Variants in WDFY1 observed in about 807,000 individuals in gnomAD.
WDFY1 encodes WD repeat and FYVE domain containing 1.
A neutral mutation model predicts 56.4 loss-of-function variants in WDFY1; 32 were observed. That is an observed-to-expected ratio of 0.57 (90% CI 0.43 to 0.76). The LOEUF is 0.76. Ranked by LOEUF, WDFY1 falls within the 30% of genes least tolerant of loss-of-function variation. The pLI, the probability that WDFY1 is intolerant of heterozygous loss-of-function variation, is 0.00. For synonymous variants in WDFY1, 192 were observed against 197.3 expected (o/e 0.97, Z 0.23); for missense variants, 480 against 545.7 (o/e 0.88, Z 1.20).
At position 223,881,934 on chromosome 2, in the gene WDFY1, A is replaced by T. The variant is rs1171421093; in HGVS notation, c.1064+8T>A. On this transcript the variant is annotated splice_region_variant and intron_variant, in intron 10 of 11. Coordinates refer to ENST00000233055, the MANE Select transcript of WDFY1 (RefSeq NM_020830.5). ...GAGGCAATGAGACAAAAATATGCAA[A>T]CACTCACTCTTCATCTTTGATGGAG... 3 of 1,613,200 alleles carry T rather than the reference A, an allele frequency of 1.9e-6. No homozygotes were observed. The highest frequency in any genetic ancestry group is 1.3e-5 in the African/African-American group (1 of 75,028).
Position 223,896,155 on chromosome 2 carries a change from CAAAAAAAAA to C in WDFY1, c.599-534_599-526del, listed in dbSNP as rs71058956. Among the ~76,000 whole-genome samples, 97 of 39,840 alleles carry C rather than the reference CAAAAAAAAA, an allele frequency of 2.4e-3. 2 individuals are homozygous for C. The Middle Eastern group carries it at 0.06, about 25-fold the overall frequency. The allele number at this position is 39,840 out of a possible 152,430, so 26.1% of individuals were successfully genotyped here. ...TGGGTGACAGAGTGAGACTCTGTCTCAAAAAAAAAAAAAAAAAAAAAAAAAAAACTGCTT... is the reference window on the plus strand; with the variant it reads ...TGGGTGACAGAGTGAGACTCTGTCTCAAAAAAAAAAAAAAAAAAACTGCTT... On this transcript the variant is annotated intron_variant, in intron 6 of 11. Transcript: ENST00000233055.
chr2:223,928,112 A>G (rs894522779), intron 1 of WDFY1, among the ~76,000 whole-genome samples: 1 of 152,236 alleles, frequency 6.6e-6, no homozygotes, highest in African/African-American at 2.4e-5. Flanking sequence ...CACTGAACAC[A>G]GACCACCACA....
At chr2:223,937,642 C>T (rs1689215817) in intron 1 of WDFY1, among the ~76,000 whole-genome samples, 1 of 152,192 alleles carries the variant, frequency 6.6e-6, no homozygotes, top group Non-Finnish European at 1.5e-5. Flanking sequence ...CTGAGGCATT[C>T]TGGCTCCCAA....
At chr2:223,898,302 GACA>G (rs1323170454) in intron 6 of WDFY1, among the ~76,000 whole-genome samples, 1 of 152,164 alleles carries the variant, frequency 6.6e-6, no homozygotes, top group African/African-American at 2.4e-5. Flanking sequence ...CTTAGAAACT[GACA>G]AATTTTTTTA....
At chr2:223,897,175 A>G (rs187326764) in intron 6 of WDFY1, among the ~76,000 whole-genome samples, 1 of 152,012 alleles carries the variant, frequency 6.6e-6, no homozygotes, top group Non-Finnish European at 1.5e-5. Context: ...TATGGTCATA[A>G]ATAAGTCCAT....
intron 4 of WDFY1, 55 bp from the exon 5 acceptor site, chr2:223,901,388 G>A: frequency 6.3e-7 from 1 of 1,598,450 alleles, no homozygotes; most frequent in Non-Finnish European, 8.5e-7. Context: ...ACTCTATGGG[G>A]AAGAACTGAG....
intron 4 of WDFY1, 48 bp from the exon 5 acceptor site, chr2:223,901,381 C>A (rs1202536925): frequency 1.9e-6 from 3 of 1,606,308 alleles, no homozygotes; most frequent in South Asian, 2.2e-5. Flanking sequence ...AAACAGCACT[C>A]TATGGGGAAG....
At chr2:223,903,651 T>G (rs565762824) in intron 4 of WDFY1, among the ~76,000 whole-genome samples, 1,737 of 149,988 alleles carry the variant, frequency 0.012, 31 homozygotes, top group African/African-American at 0.041. Context: ...GTTTTTTGTT[T>G]TTTTTTTTTT....
rs1448737219 is a variant in WDFY1, at chr2:223,875,821, A to T, written c.*2850T>A. On this transcript the variant is annotated 3_prime_UTR_variant, in exon 12 of 12. Coordinates refer to ENST00000233055, the MANE Select transcript of WDFY1 (RefSeq NM_020830.5). Reference sequence around the variant, plus strand: ...TAGGAGATACCATATCCAATAACGGAAGTAGAAGTACTTTAACGAAAACTG... The same window carrying T: ...TAGGAGATACCATATCCAATAACGGTAGTAGAAGTACTTTAACGAAAACTG... The T allele has an allele frequency of 6.6e-6, 1 of 152,136 alleles. No homozygotes were observed. Among genetic ancestry groups the T allele is most frequent in the East Asian group, 1.9e-4 (1 of 5,198 alleles). The allele number at this position is 152,136 out of a possible 1,614,324, so 9.4% of individuals were successfully genotyped here.
intron 2 of WDFY1, among the ~76,000 whole-genome samples, chr2:223,916,793 A>T (rs951383305): frequency 1.3e-5 from 2 of 149,560 alleles, no homozygotes; most frequent in Admixed American, 6.7e-5. Context: ...GTGTCATCTT[A>T]TGTTGGTATA....
intron 2 of WDFY1, among the ~76,000 whole-genome samples, chr2:223,914,867 GTTT>G (rs1013945211): frequency 1.3e-5 from 2 of 149,328 alleles, no homozygotes; most frequent in Non-Finnish European, 3.0e-5. Context: ...GATTCTGAAA[GTTT>G]TTTTTTTATG....
In WDFY1 at chr2:223,941,514, G is replaced by A. The variant is rs1390099479; in HGVS notation, c.137+3634C>T. On this transcript the variant is annotated intron_variant, in intron 1 of 11. Transcript: ENST00000233055. ...AGACCAGCTCAACGACCTTCTCTAG[G>A]AGGCTGTCCCCAAACCCCGGCCCCA... Among the ~76,000 whole-genome samples, 6 of 151,994 alleles carry A rather than the reference G, an allele frequency of 3.9e-5. No homozygotes were observed. The East Asian group carries it at 1.2e-3, about 29-fold the overall frequency.
intron 10 of WDFY1, 42 bp downstream of exon 10, chr2:223,881,900 A>G: frequency 6.2e-7 from 1 of 1,608,150 alleles, no homozygotes; most frequent in Non-Finnish European, 8.5e-7. Flanking sequence ...CATTAGACAG[A>G]TGTAATAAGA....
In WDFY1 at chr2:223,901,321, C is replaced by A; in HGVS notation, c.347G>T (p.Arg116Leu). The A allele has an allele frequency of 6.2e-7, 1 of 1,614,084 alleles. No homozygotes were observed. The highest frequency in any genetic ancestry group is 8.5e-7 in the Non-Finnish European group (1 of 1,179,980). Residue 116 changes from arginine (R) to leucine (L), a missense_variant, in exon 5 of 12, where the codon CGG (arginine) becomes CTG (leucine). Physicochemically the swap from Arg to Leu is moderately radical, Grantham distance 102 (BLOSUM62 -2). Coordinates refer to ENST00000233055, the MANE Select transcript of WDFY1 (RefSeq NM_020830.5). ...CAAGCTGAAGATAATCGCAGACACC[C>A]GGTTCTGATGAGCTGCAGGAACAGA... ...FIKTYPAHQN[R>L]VSAIIFSLAT...
At chr2:223,913,510 T>C (rs1693738420) in intron 2 of WDFY1, among the ~76,000 whole-genome samples, 1 of 152,178 alleles carries the variant, frequency 6.6e-6, no homozygotes, top group Admixed American at 6.5e-5. Flanking sequence ...ACAGTGATGT[T>C]TGAGATTAAA....
At chr2:223,913,508 G>A (rs1693738384) in intron 2 of WDFY1, among the ~76,000 whole-genome samples, 3 of 152,152 alleles carry the variant, frequency 2.0e-5, no homozygotes, top group Admixed American at 6.5e-5. Context: ...ACACAGTGAT[G>A]TTTGAGATTA....
intron 4 of WDFY1, among the ~76,000 whole-genome samples, chr2:223,904,739 G>T (rs1417047633): frequency 6.6e-6 from 1 of 152,094 alleles, no homozygotes; most frequent in Non-Finnish European, 1.5e-5. Context: ...TAGAAATATA[G>T]AGTGAATAAA....
chr2:223,893,293 G>T lies in WDFY1; in HGVS notation c.831+941C>A, dbSNP rs182217916. ...GCAATTTGGGAGACTGAGGCAGGAG[G>T]ATTGCTTGAGCCCAGGAGTTTGAGA... is the stretch of plus-strand genomic sequence containing the variant. On this transcript the variant is annotated intron_variant, in intron 8 of 11. Transcript: ENST00000233055. Among the ~76,000 whole-genome samples the T allele has an allele frequency of 4.6e-5, 7 of 151,384 alleles. 1 individual carries two copies. In the East Asian group the frequency reaches 7.8e-4, roughly 17 times the overall value.
chr2:223,929,831 T>G (rs996246449), intron 1 of WDFY1, among the ~76,000 whole-genome samples: 1 of 135,230 alleles, frequency 7.4e-6, no homozygotes, highest in Non-Finnish European at 1.6e-5. Context: ...CTGACTTCAT[T>G]TAGTTGTTTG....
Sources: gnomAD v4.1 joint callset for allele counts (sites outside exome capture counted in the v4.1 genomes callset) on GRCh38, gnomAD v4.1.1 for gene constraint, MANE v1.5 for transcripts, NCBI Gene and HGNC (gene_info 2026-07-23, HGNC 2026-07-21) for gene names.